TENM3: variants seen among roughly 807,000 people sequenced by gnomAD.
TENM3 encodes teneurin-3.
Under a neutral mutation model 255.1 loss-of-function variants are expected in TENM3, and 63 were observed. The observed-to-expected ratio is 0.25, with a 90% confidence interval of 0.20 to 0.30. The LOEUF (loss-of-function observed/expected upper bound fraction) is 0.30. Ranked by LOEUF, TENM3 falls within the 10% of genes least tolerant of loss-of-function variation. TENM3 has a pLI of 1.00. For missense variants in TENM3, 2,929 were observed against 3,461.1 expected, an observed-to-expected ratio of 0.85 and a Z score of 3.86; for synonymous variants, 1,306 against 1,322.3, an observed-to-expected ratio of 0.99 and a Z score of 0.27.
At chr4:181,859,841 A>G in the TENM3 span, among the ~76,000 whole-genome samples, 19 of 151,184 alleles carry the variant, frequency 1.3e-4, no homozygotes, top group South Asian at 4.0e-3. Context: ...CATGAGCAGA[A>G]AAAAAAAACA....
intron 24 of TENM3, among the ~76,000 whole-genome samples, chr4:182,783,449 T>C (rs10021647): frequency 0.071 from 10,877 of 152,246 alleles, 1,353 homozygotes; most frequent in African/African-American, 0.25. Flanking sequence ...GGGCTTCCCT[T>C]TGAGGGTAAC....
chr4:182,738,795 A>T (rs907338936), intron 18 of TENM3, among the ~76,000 whole-genome samples: 1 of 152,222 alleles, frequency 6.6e-6, no homozygotes, highest in Non-Finnish European at 1.5e-5. Flanking sequence ...TCCCATTAGA[A>T]TGTGAAAGAC....
At position 182,679,734 on chromosome 4, in the gene TENM3, G is replaced by A. The variant is rs553919743; in HGVS notation, c.1395G>A (p.Thr465=). 7.6e-5 allele frequency: 123 copies of A among 1,613,808 alleles called. 2 individuals are homozygous for A. The Middle Eastern group carries it at 1.5e-3, about 20-fold the overall frequency. ...IAREQRSLLE[T]ERAGRQARSV... ...GAGAGCAGCGGAGCCTGCTTGAGAC[G>A]GAGAGAGCCGGGCGGCAGGCGAGAT... The change falls in exon 8 of 28, where the codon ACG becomes ACA. Residue 465 remains threonine, a synonymous_variant. Transcript: ENST00000511685.
At chr4:181,937,582 C>T in the TENM3 span, among the ~76,000 whole-genome samples, 6 of 152,170 alleles carry the variant, frequency 3.9e-5, no homozygotes, top group African/African-American at 7.2e-5. Flanking sequence ...TGAGGACAGA[C>T]GTGATCATGA....
intron 1 of TENM3, among the ~76,000 whole-genome samples, chr4:182,171,579 G>A (rs184258130): frequency 2.4e-4 from 36 of 152,026 alleles, no homozygotes; most frequent in African/African-American, 6.3e-4. Flanking sequence ...TCCTCCTACC[G>A]CAGTCTCTCA....
Position 182,681,945 on chromosome 4 carries a change from G to A in TENM3, c.1966G>A (p.Gly656Arg), listed in dbSNP as rs1161099836. 1.2e-5 allele frequency: 20 copies of A among 1,613,908 alleles called. No individual in the cohort carries two copies. In the Admixed American group the frequency reaches 2.3e-4, roughly 19 times the overall value. Reference sequence around the variant, plus strand: ...GTGTCCAGACCAGTGCTCCGGCCACGGAACGTATCTTCAAGAAAGTGGCTC... The same window carrying A: ...GTGTCCAGACCAGTGCTCCGGCCACAGAACGTATCTTCAAGAAAGTGGCTC... The part of the protein sequence containing the change: ...TMCPDQCSGH[G>R]TYLQESGSCT... Residue 656 changes from glycine (G) to arginine (R), a missense_variant, in exon 11 of 28, where the codon GGA becomes AGA. Gly to Arg is a moderately radical substitution (Grantham distance 125). Around this residue, in one of 6 missense-constraint regions of TENM3, gnomAD observed 1,608 missense variants for 1,884.4 expected, o/e 0.85. Transcript: ENST00000511685.
chr4:181,566,693 G>A, the TENM3 span, among the ~76,000 whole-genome samples: 398 of 152,238 alleles, frequency 2.6e-3, 7 homozygotes, highest in Middle Eastern at 0.024. Context: ...ATTCTTCTCT[G>A]AGATGTCTGC....
chr4:182,045,779 T>A, the TENM3 span, among the ~76,000 whole-genome samples: 39 of 152,348 alleles, frequency 2.6e-4, no homozygotes, highest in South Asian at 3.5e-3. Context: ...CCGGGCACAG[T>A]GGCTCATGCC....
the TENM3 span, among the ~76,000 whole-genome samples, chr4:181,717,313 G>C: frequency 1.3e-5 from 2 of 152,202 alleles, no homozygotes; most frequent in African/African-American, 4.8e-5. Flanking sequence ...TTTCATGTCA[G>C]AGAGAAAATT....
intron 1 of TENM3, among the ~76,000 whole-genome samples, chr4:182,244,105 C>T (rs1048972489): frequency 1.3e-4 from 20 of 151,732 alleles, no homozygotes; most frequent in Non-Finnish European, 2.2e-4. Context: ...AGGCGCCCGC[C>T]ACCACGCCCG....
chr4:181,545,661 G>A, the TENM3 span, among the ~76,000 whole-genome samples: 7 of 152,138 alleles, frequency 4.6e-5, no homozygotes, highest in African/African-American at 9.6e-5. Flanking sequence ...TTTGGGTTAC[G>A]TTTTATTTTC....
At chr4:181,656,127 C>T in the TENM3 span, among the ~76,000 whole-genome samples, 8 of 152,050 alleles carry the variant, frequency 5.3e-5, no homozygotes, top group East Asian at 1.9e-4. Context: ...ATTGTAACGG[C>T]GAGCCTTGGG....
intron 3 of TENM3, among the ~76,000 whole-genome samples, chr4:182,519,828 T>G (rs1738374212): frequency 6.6e-6 from 1 of 152,230 alleles, no homozygotes; most frequent in African/African-American, 2.4e-5. Flanking sequence ...ATTTCAGAAT[T>G]TCTAACGGAA....
At chr4:182,269,781 T>C (rs1053066846) in intron 1 of TENM3, among the ~76,000 whole-genome samples, 1 of 152,192 alleles carries the variant, frequency 6.6e-6, no homozygotes, top group African/African-American at 2.4e-5. Flanking sequence ...AAGAGGTTTA[T>C]TCTGAGCCAA....
chr4:182,470,697 G>C (rs574459134), intron 3 of TENM3, among the ~76,000 whole-genome samples: 1 of 152,330 alleles, frequency 6.6e-6, no homozygotes, highest in Admixed American at 6.5e-5. Context: ...ATTTGTGTCA[G>C]TTAGGGTGTA....
intron 3 of TENM3, among the ~76,000 whole-genome samples, chr4:182,490,376 G>T (rs1735173811): frequency 6.6e-6 from 1 of 152,130 alleles, no homozygotes; most frequent in Non-Finnish European, 1.5e-5. Context: ...TCAATTTTTG[G>T]ATGTGGAATC....
At chr4:182,228,396 A>ATATATATG (rs1252527535) in intron 1 of TENM3, among the ~76,000 whole-genome samples, 1 of 128,890 alleles carries the variant, frequency 7.8e-6, no homozygotes, top group Non-Finnish European at 1.6e-5. Flanking sequence ...GTGTGTGTAT[A>ATATATATG]TGTAATCCCT....
chr4:181,837,067 T>G, the TENM3 span, among the ~76,000 whole-genome samples: 2 of 152,190 alleles, frequency 1.3e-5, no homozygotes, highest in Admixed American at 1.3e-4. Context: ...ATGCAAATAG[T>G]TTTAAATAAT....
At chr4:182,597,210 C>T (rs1747338692) in intron 3 of TENM3, among the ~76,000 whole-genome samples, 1 of 152,084 alleles carries the variant, frequency 6.6e-6, no homozygotes, top group East Asian at 1.9e-4. Flanking sequence ...CAAGACTGGC[C>T]TGGGCAACAT....
Sources: allele counts gnomAD v4.1 joint callset (sites outside exome capture counted in the v4.1 genomes callset), GRCh38; gene constraint gnomAD v4.1.1; regional missense constraint gnomAD v4.1.1; transcripts MANE v1.5; gene names NCBI Gene and HGNC (gene_info 2026-07-23, HGNC 2026-07-21).